The following MRPS6 variants were observed in gnomAD, a reference collection of about 807,000 sequenced individuals.
The protein encoded by MRPS6 is small ribosomal subunit protein bS6m.
Under a neutral mutation model 13.1 loss-of-function variants are expected in MRPS6, and 6 were observed. The ratio of observed to expected loss-of-function variants is 0.46; its 90% CI spans 0.25 to 0.91. The LOEUF (loss-of-function observed/expected upper bound fraction) is 0.91. Ranked by LOEUF, MRPS6 falls within the 40% of genes least tolerant of loss-of-function variation. The pLI is 0.18. For missense variants in MRPS6, 164 were observed against 155.6 expected (o/e 1.05, Z -0.29); for synonymous variants, 61 against 56.5 (o/e 1.08, Z -0.36).
intron 1 of MRPS6, among the ~76,000 whole-genome samples, chr21:34,107,514 T>C (rs950160245): frequency 6.6e-6 from 1 of 152,190 alleles, no homozygotes; most frequent in Non-Finnish European, 1.5e-5. Flanking sequence ...GGGGGGATAT[T>C]AAAAACCATG....
chr21:34,104,633 A>G, intron 1 of MRPS6: 5 of 1,000,274 alleles, frequency 5.0e-6, no homozygotes, highest in Non-Finnish European at 6.0e-6. Flanking sequence ...TATTCTTGCC[A>G]GCAAAAAGCT....
At chr21:34,113,394 A>T (rs1473842822) in intron 1 of MRPS6, among the ~76,000 whole-genome samples, 4 of 152,240 alleles carry the variant, frequency 2.6e-5, no homozygotes, top group African/African-American at 9.6e-5. Context: ...TCAGCCATAA[A>T]AAAGGAAATC....
chr21:34,142,381 C>T (rs1980935420), intron 2 of MRPS6, 27 bp from the exon 3 acceptor site: 1 of 1,544,794 alleles, frequency 6.5e-7, no homozygotes, highest in Non-Finnish European at 8.7e-7. Context: ...CAAATGCAGA[C>T]ACTCACAAGT....
intron 2 of MRPS6, among the ~76,000 whole-genome samples, chr21:34,136,795 T>C (rs1187586421): frequency 2.0e-5 from 3 of 152,228 alleles, no homozygotes; most frequent in Non-Finnish European, 2.9e-5. Context: ...TTTTCTATTA[T>C]GGATTTTGGT....
chr21:34,087,622 T>C (rs2148656134), intron 1 of MRPS6, among the ~76,000 whole-genome samples: 1 of 152,238 alleles, frequency 6.6e-6, no homozygotes, highest in Non-Finnish European at 1.5e-5. Context: ...TGCAAAGACG[T>C]AAAAGGAGAG....
intron 2 of MRPS6, among the ~76,000 whole-genome samples, chr21:34,131,922 T>C (rs552679217): frequency 6.6e-6 from 1 of 152,304 alleles, no homozygotes. Flanking sequence ...CATGTGTGCC[T>C]CATCCATTTA....
chr21:34,079,912 C>G (rs1989421569), intron 1 of MRPS6, among the ~76,000 whole-genome samples: 2 of 152,076 alleles, frequency 1.3e-5, no homozygotes, highest in South Asian at 4.1e-4. Context: ...CCCAAAGTTG[C>G]CTCTGTTATT....
chr21:34,140,971 A>G (rs1421490217), intron 2 of MRPS6, among the ~76,000 whole-genome samples: 1 of 152,168 alleles, frequency 6.6e-6, no homozygotes, highest in African/African-American at 2.4e-5. Context: ...TTTAAGAGTA[A>G]ATGGTCACTT....
intron 1 of MRPS6, chr21:34,105,385 A>G (rs1300498213): frequency 4.0e-6 from 4 of 999,428 alleles, no homozygotes; most frequent in East Asian, 2.3e-4. Flanking sequence ...AAGAAAACCA[A>G]TTCTTTTTCT....
chr21:34,105,011 TCTAA>T, intron 1 of MRPS6: 2 of 1,000,106 alleles, frequency 2.0e-6, no homozygotes. Flanking sequence ...CTGTGAGATC[TCTAA>T]CTTTTGAGTG....
chr21:34,088,520 G>C (rs927408593), intron 1 of MRPS6, among the ~76,000 whole-genome samples: 3 of 152,182 alleles, frequency 2.0e-5, no homozygotes, highest in African/African-American at 7.2e-5. Flanking sequence ...GTTAACAGTT[G>C]TTACATATCC....
chr21:34,092,654 T>G (rs1449539118), intron 1 of MRPS6, among the ~76,000 whole-genome samples: 1 of 152,258 alleles, frequency 6.6e-6, no homozygotes, highest in Non-Finnish European at 1.5e-5. Context: ...ATGTTACTGA[T>G]AGTAACAGTG....
At chr21:34,136,094 C>G (rs528395927) in intron 2 of MRPS6, 2 of 217,424 alleles carry the variant, frequency 9.2e-6, no homozygotes, top group Non-Finnish European at 1.9e-5. Flanking sequence ...GCCCGAGTGT[C>G]TCTGTTACTT....
At chr21:34,117,915 A>G (rs757232083) in intron 1 of MRPS6, among the ~76,000 whole-genome samples, 2 of 152,186 alleles carry the variant, frequency 1.3e-5, no homozygotes, top group Non-Finnish European at 2.9e-5. Context: ...GATTATATAA[A>G]TACCATATTC....
intron 1 of MRPS6, chr21:34,095,655 T>A (rs1421035420): frequency 6.2e-7 from 1 of 1,613,356 alleles, no homozygotes; most frequent in Non-Finnish European, 8.5e-7. Flanking sequence ...TATCCAGGAG[T>A]CTTTGGGTTG....
intron 1 of MRPS6, among the ~76,000 whole-genome samples, chr21:34,108,037 ATGG>A (rs1979550667): frequency 6.6e-6 from 1 of 152,200 alleles, no homozygotes; most frequent in South Asian, 2.1e-4. Flanking sequence ...GACGTATATG[ATGG>A]TGGTCCTATA....
chr21:34,096,930 A>G lies in MRPS6; in HGVS notation c.45+23185A>G. 2.5e-6 allele frequency: 4 copies of G among 1,614,166 alleles called. No individual in the cohort carries two copies. The highest frequency in any genetic ancestry group is 1.7e-4 in the Middle Eastern group (1 of 6,060). On this transcript the variant is annotated intron_variant, in intron 1 of 2. Coordinates refer to ENST00000399312, the MANE Select transcript of MRPS6 (RefSeq NM_032476.4). The surrounding 1 kb of genome is among the most constrained non-coding windows in gnomAD (Gnocchi z 5.9). ...AAAGAGCATTCTGAGATGCAGTGAG[A>G]ATAATGAGACCATCAACCACATCAT...
intron 1 of MRPS6, among the ~76,000 whole-genome samples, chr21:34,081,446 A>G (rs919514250): frequency 1.3e-5 from 2 of 152,212 alleles, no homozygotes; most frequent in Admixed American, 6.5e-5. Flanking sequence ...CTTCTGCTTT[A>G]TAGAAAAATG....
At chr21:34,082,996 C>T (rs574057192) in intron 1 of MRPS6, among the ~76,000 whole-genome samples, 1 of 152,154 alleles carries the variant, frequency 6.6e-6, no homozygotes, top group Admixed American at 6.5e-5. Context: ...GCAAAACTTT[C>T]TTTATTGGAG....
Sources: gnomAD v4.1 joint callset for allele counts (sites outside exome capture counted in the v4.1 genomes callset) on GRCh38, gnomAD v4.1.1 for gene constraint, Gnocchi (gnomAD v3.1) non-coding constraint, MANE v1.5 for transcripts, NCBI Gene and HGNC (gene_info 2026-07-23, HGNC 2026-07-21) for gene names.